CACNB2: variants seen among roughly 807,000 people sequenced by gnomAD.
CACNB2 encodes voltage-dependent L-type calcium channel subunit beta-2.
Under a neutral mutation model 73.3 loss-of-function variants are expected in CACNB2, and 42 were observed. The ratio of observed to expected loss-of-function variants is 0.57; its 90% CI spans 0.45 to 0.74. The LOEUF (loss-of-function observed/expected upper bound fraction) is 0.74, where lower values mean the gene tolerates loss of function less well. Ranked by LOEUF, CACNB2 falls within the 30% of genes least tolerant of loss-of-function variation. The pLI is 0.00. For synonymous variants in CACNB2, 348 were observed against 310.3 expected (o/e 1.12, Z -1.28); for missense variants, 940 against 853.0 (o/e 1.10, Z -1.27).
chr10:18,279,370 G>A lies in CACNB2; in HGVS notation c.214-122554G>A, dbSNP rs1329956903. Among the ~76,000 whole-genome samples, 5 of 152,172 alleles carry A rather than the reference G, an allele frequency of 3.3e-5. No homozygotes were observed. The East Asian group carries it at 7.7e-4, about 23-fold the overall frequency. On this transcript the variant is annotated intron_variant, in intron 2 of 13. Transcript: ENST00000324631. Reference sequence around the variant, plus strand: ...AGTCATTGCTGATGATTCGCACCAAGGGGGAAGGATGCTGTGGTTAGATCC... The same window carrying A: ...AGTCATTGCTGATGATTCGCACCAAAGGGGAAGGATGCTGTGGTTAGATCC...
rs758274878 is a variant in CACNB2, at chr10:18,539,762, A to AGTCTT, written c.*41_*45dup. The AGTCTT allele has an allele frequency of 2.6e-5, 39 of 1,519,614 alleles. No individual in the cohort carries two copies. The highest frequency in any genetic ancestry group is 1.8e-4 in the Middle Eastern group (1 of 5,660). 94.1% of individuals were successfully genotyped at this position (1,519,614 alleles called of 1,614,324 possible). ...TGTGTTTTTTTTTTTTTTTTTTTGA[A>AGTCTT]GTCTTGTATAACTAACAGCATCCCC... On this transcript the variant is annotated 3_prime_UTR_variant, in exon 14 of 14. Transcript: ENST00000324631.
intron 2 of CACNB2, among the ~76,000 whole-genome samples, chr10:18,199,785 C>G (rs1373933066): frequency 1.3e-5 from 2 of 151,994 alleles, no homozygotes; most frequent in Non-Finnish European, 2.9e-5. Flanking sequence ...AGGAGGAAAA[C>G]CAGAGAAGAA....
At chr10:18,263,665 G>A (rs1256603846) in intron 2 of CACNB2, among the ~76,000 whole-genome samples, 1 of 152,096 alleles carries the variant, frequency 6.6e-6, no homozygotes, top group African/African-American at 2.4e-5. Flanking sequence ...GAATATGAAA[G>A]TTATGTGGGT....
chr10:18,446,704 G>A (rs532998510), intron 3 of CACNB2, among the ~76,000 whole-genome samples: 23 of 152,166 alleles, frequency 1.5e-4, no homozygotes, highest in South Asian at 4.1e-4. Context: ...GCTAACATGC[G>A]CTGTGACACT....
At chr10:18,481,972 C>A (rs2048802837) in intron 3 of CACNB2, among the ~76,000 whole-genome samples, 1 of 152,170 alleles carries the variant, frequency 6.6e-6, no homozygotes, top group African/African-American at 2.4e-5. Flanking sequence ...TTACTGCAAC[C>A]TGTGCCTCCT....
At chr10:18,502,991 A>C (rs919404433) in intron 5 of CACNB2, among the ~76,000 whole-genome samples, 35 of 152,276 alleles carry the variant, frequency 2.3e-4, no homozygotes, top group African/African-American at 8.4e-4. Flanking sequence ...GCCTGTAAAG[A>C]TAACCCTCTT....
chr10:18,278,442 G>A (rs562545552), intron 2 of CACNB2, among the ~76,000 whole-genome samples: 3 of 152,238 alleles, frequency 2.0e-5, no homozygotes, highest in African/African-American at 7.2e-5. Context: ...TTTGAATGGA[G>A]ACTGTCAGGA....
chr10:18,433,015 C>T (rs2045965149), intron 3 of CACNB2, among the ~76,000 whole-genome samples: 1 of 152,064 alleles, frequency 6.6e-6, no homozygotes, highest in Non-Finnish European at 1.5e-5. Flanking sequence ...TATCGCTTCC[C>T]TTTGGGCTTC....
chr10:18,152,709 C>CAAAAAAAAAAAAAAAAAAAAAAACA (rs2031674444), intron 2 of CACNB2, among the ~76,000 whole-genome samples: 1 of 49,352 alleles, frequency 2.0e-5, no homozygotes, highest in Non-Finnish European at 3.7e-5. Context: ...TGAAACAGAC[C>CAAAAAAAAAAAAAAAAAAAAAAACA]AAAAAAAAAA....
chr10:18,492,234 A>G (rs10828771), intron 3 of CACNB2, among the ~76,000 whole-genome samples: 45,004 of 152,016 alleles, frequency 0.3, 6,999 homozygotes, highest in East Asian at 0.53. Context: ...ACCAGGCCCC[A>G]CCTCCCACAC....
intron 2 of CACNB2, among the ~76,000 whole-genome samples, chr10:18,356,952 T>TC (rs1564464296): frequency 4.8e-5 from 6 of 124,290 alleles, no homozygotes; most frequent in African/African-American, 1.2e-4. Flanking sequence ...CTTTTTTTTT[T>TC]TTTTTTTTTT....
chr10:18,379,899 C>A (rs1233913594), intron 2 of CACNB2, among the ~76,000 whole-genome samples: 1 of 152,140 alleles, frequency 6.6e-6, no homozygotes, highest in African/African-American at 2.4e-5. Flanking sequence ...GTTACACAGG[C>A]TGGTCTCAGA....
At chr10:18,261,842 C>G in intron 2 of CACNB2, 2 of 477,554 alleles carry the variant, frequency 4.2e-6, no homozygotes, top group South Asian at 3.1e-5. Flanking sequence ...ACTGAAATAG[C>G]CCTTATTTCA....
chr10:18,312,713 G>A (rs1317519802), intron 2 of CACNB2, among the ~76,000 whole-genome samples: 2 of 152,182 alleles, frequency 1.3e-5, no homozygotes, highest in African/African-American at 4.8e-5. Flanking sequence ...TAGCTTTTAA[G>A]ATTTATGTGT....
intron 2 of CACNB2, among the ~76,000 whole-genome samples, chr10:18,157,955 G>A (rs541492967): frequency 2.0e-5 from 3 of 152,154 alleles, no homozygotes; most frequent in African/African-American, 7.2e-5. Flanking sequence ...CTTCTCTCAT[G>A]AAAAGTTCCT....
intron 1 of CACNB2, among the ~76,000 whole-genome samples, chr10:18,150,434 C>T (rs776943110): frequency 6.6e-6 from 1 of 152,154 alleles, no homozygotes; most frequent in African/African-American, 2.4e-5. Context: ...GAGGCCAAGG[C>T]GGGCGGATCA....
chr10:18,405,092 T>C (rs1032460135), intron 3 of CACNB2, among the ~76,000 whole-genome samples: 1 of 152,218 alleles, frequency 6.6e-6, no homozygotes, highest in African/African-American at 2.4e-5. Context: ...TATTCCCACG[T>C]TGATCTTCTC....
chr10:18,225,802 G>T lies in CACNB2; in HGVS notation c.213+74827G>T, dbSNP rs79491610. 7.3e-3 allele frequency among the ~76,000 whole-genome samples: 1,104 copies of T among 151,922 alleles called. 6 individuals are homozygous for T. The highest frequency in any genetic ancestry group is 0.012 in the Non-Finnish European group (808 of 67,962). Reference sequence around the variant, plus strand: ...CTACAGATGTGCACCATCACACCTGGATAAGTTTTTAAATTTTTGTAGAAA... The same window carrying T: ...CTACAGATGTGCACCATCACACCTGTATAAGTTTTTAAATTTTTGTAGAAA... On this transcript the variant is annotated intron_variant, in intron 2 of 13. Transcript: ENST00000324631.
chr10:18,531,189 ACT>A (rs1292023083), intron 10 of CACNB2, among the ~76,000 whole-genome samples: 1 of 152,212 alleles, frequency 6.6e-6, no homozygotes, highest in Non-Finnish European at 1.5e-5. Context: ...AACCATCTCT[ACT>A]CTGTTATTAC....
Sources: allele counts gnomAD v4.1 joint callset (sites outside exome capture counted in the v4.1 genomes callset), GRCh38; gene constraint gnomAD v4.1.1; transcripts MANE v1.5; gene names NCBI Gene and HGNC (gene_info 2026-07-23, HGNC 2026-07-21).